The following AMOTL1 variants were observed in gnomAD, a reference collection of about 807,000 sequenced individuals.
AMOTL1 encodes angiomotin-like protein 1.
Under a neutral mutation model 102.9 loss-of-function variants are expected in AMOTL1, and 45 were observed. The ratio of observed to expected loss-of-function variants is 0.44; its 90% CI spans 0.34 to 0.56. AMOTL1 has a LOEUF of 0.56. AMOTL1 is among the 20% of genes least tolerant of loss of function. The probability of loss-of-function intolerance (pLI) is 0.01; values close to 1 mark genes in which losing one functional copy is unlikely to be tolerated. For missense variants in AMOTL1, 1,114 were observed against 1,225.6 expected (o/e 0.91, Z 1.36); for synonymous variants, 481 against 484.7 (o/e 0.99, Z 0.10).
chr11:94,764,422 A>T (rs1016034074), upstream of AMOTL1, among the ~76,000 whole-genome samples: 5 of 152,236 alleles, frequency 3.3e-5, no homozygotes, highest in African/African-American at 1.2e-4. Context: ...AAGTGCTTGA[A>T]ATTGAACTTA....
intron 3 of AMOTL1, among the ~76,000 whole-genome samples, chr11:94,807,827 C>G (rs1324996193): frequency 2.7e-5 from 4 of 147,858 alleles, no homozygotes; most frequent in African/African-American, 7.6e-5. Flanking sequence ...TTTGGGATTT[C>G]ATGCTAATGC....
At position 94,850,307 on chromosome 11, in the gene AMOTL1, C is replaced by T. The variant is rs147530514; in HGVS notation, c.1794+48C>T. The T allele has an allele frequency of 1.2e-3, 1,870 of 1,528,152 alleles. 30 individuals are homozygous for T. In the African/African-American group the frequency reaches 0.023, roughly 19 times the overall value. The allele number at this position is 1,528,152 out of a possible 1,614,324, so 94.7% of individuals were successfully genotyped here. A position where few individuals can be genotyped will look rare whatever the true frequency, so the allele number is the denominator to read the frequency against. ...TGGTGGGGAAGAGGGCAAGCAGAGC[C>T]CAGAGGGCTTCCACTTTCTTTTCCT... On this transcript the variant is annotated intron_variant, in intron 7 of 12. Coordinates refer to ENST00000433060, the MANE Select transcript of AMOTL1 (RefSeq NM_130847.3).
At chr11:94,730,760 AC>A (rs1379234582) in intron 2 of AMOTL1, among the ~76,000 whole-genome samples, 1 of 152,110 alleles carries the variant, frequency 6.6e-6, no homozygotes, top group Non-Finnish European at 1.5e-5. Flanking sequence ...GGCTGTGGGA[AC>A]CTATCTGATT....
At chr11:94,782,486 T>C (rs926050890) in intron 1 of AMOTL1, among the ~76,000 whole-genome samples, 11 of 152,334 alleles carry the variant, frequency 7.2e-5, no homozygotes, top group Non-Finnish European at 1.6e-4. Flanking sequence ...CATTGAACCA[T>C]TGTTTTCCAG....
At chr11:94,743,651 C>T (rs1433175618) in intron 3 of AMOTL1, among the ~76,000 whole-genome samples, 4 of 98,156 alleles carry the variant, frequency 4.1e-5, no homozygotes, top group African/African-American at 1.9e-4. Context: ...CACAATACTT[C>T]TTTTTTTTTT....
chr11:94,790,373 T>C (rs1332044458), intron 1 of AMOTL1, among the ~76,000 whole-genome samples: 3 of 152,134 alleles, frequency 2.0e-5, no homozygotes, highest in Non-Finnish European at 4.4e-5. Context: ...ACCACAAGTT[T>C]TGTGTGCCTC....
In AMOTL1 at chr11:94,776,316, C is replaced by T. The variant is rs148162711; in HGVS notation, c.49+7756C>T. 4.1e-3 allele frequency among the ~76,000 whole-genome samples: 631 copies of T among 152,332 alleles called. 13 individuals are homozygous for T. The highest frequency in any genetic ancestry group is 0.035 in the South Asian group (167 of 4,828). ...TCAGTCTTTAGGTCCTGCAGTTGACCTCCAAAATACTTCTTGCATACTTTC... is the reference window on the plus strand; with the variant it reads ...TCAGTCTTTAGGTCCTGCAGTTGACTTCCAAAATACTTCTTGCATACTTTC... On this transcript the variant is annotated intron_variant, in intron 1 of 12. Transcript: ENST00000433060.
chr11:94,791,657 C>T (rs990328546), intron 1 of AMOTL1, among the ~76,000 whole-genome samples: 10 of 152,252 alleles, frequency 6.6e-5, no homozygotes, highest in South Asian at 2.1e-4. Flanking sequence ...CCCCTGGTAC[C>T]GAGCCAGGCT....
At chr11:94,738,843 G>T (rs1343443191) in intron 2 of AMOTL1, among the ~76,000 whole-genome samples, 1 of 152,118 alleles carries the variant, frequency 6.6e-6, no homozygotes, top group African/African-American at 2.4e-5. Flanking sequence ...TAACAGAGGG[G>T]ATAAGCTGGA....
chr11:94,733,894 T>G (rs548241813), intron 2 of AMOTL1, among the ~76,000 whole-genome samples: 1 of 152,360 alleles, frequency 6.6e-6, no homozygotes, highest in African/African-American at 2.4e-5. Context: ...CACCTTCTAG[T>G]AGCTTCTTGG....
At chr11:94,712,647 C>A (rs1950037293) in intron 1 of AMOTL1, among the ~76,000 whole-genome samples, 1 of 151,598 alleles carries the variant, frequency 6.6e-6, no homozygotes, top group African/African-American at 2.4e-5. Flanking sequence ...ACACAAATAA[C>A]CCCACTATAT....
At chr11:94,833,130 T>C (rs2135667803) in intron 6 of AMOTL1, among the ~76,000 whole-genome samples, 1 of 152,368 alleles carries the variant, frequency 6.6e-6, no homozygotes, top group South Asian at 2.1e-4. Context: ...ACTTGTGTTC[T>C]GAAGGCAAAC....
intron 1 of AMOTL1, among the ~76,000 whole-genome samples, chr11:94,779,542 A>G (rs527570521): frequency 1.3e-5 from 2 of 152,338 alleles, no homozygotes; most frequent in Admixed American, 6.5e-5. Flanking sequence ...ATGCATTTAT[A>G]TGCTCTATAA....
At chr11:94,823,923 G>T (rs954158814) in intron 4 of AMOTL1, among the ~76,000 whole-genome samples, 1 of 151,680 alleles carries the variant, frequency 6.6e-6, no homozygotes, top group African/African-American at 2.4e-5. Context: ...GTTTCACCAT[G>T]TTGGCCAGGA....
intron 2 of AMOTL1, among the ~76,000 whole-genome samples, chr11:94,798,662 A>G (rs191096868): frequency 3.3e-5 from 5 of 152,134 alleles, no homozygotes; most frequent in Non-Finnish European, 7.4e-5. Context: ...AAGAGCACTC[A>G]GGACAGAGCT....
chr11:94,771,874 C>T (rs1255870034), intron 1 of AMOTL1, among the ~76,000 whole-genome samples: 1 of 152,124 alleles, frequency 6.6e-6, no homozygotes, highest in Non-Finnish European at 1.5e-5. Context: ...GGAAATGTAT[C>T]CCTGTTAAGA....
intron 3 of AMOTL1, among the ~76,000 whole-genome samples, chr11:94,749,346 GC>G (rs1950623877): frequency 6.6e-6 from 1 of 152,146 alleles, no homozygotes; most frequent in South Asian, 2.1e-4. Context: ...CCTTTCCTCA[GC>G]CCTTTTGGTT....
upstream of AMOTL1, among the ~76,000 whole-genome samples, chr11:94,767,074 T>C (rs2135508453): frequency 6.6e-6 from 1 of 152,216 alleles, no homozygotes; most frequent in Middle Eastern, 3.4e-3. Context: ...AGTGCCTCTC[T>C]CCGCCCTTCC....
intron 6 of AMOTL1, among the ~76,000 whole-genome samples, chr11:94,846,326 C>G (rs185267100): frequency 6.6e-6 from 1 of 152,324 alleles, no homozygotes; most frequent in Non-Finnish European, 1.5e-5. Flanking sequence ...CCTCATAGCC[C>G]TAGAATTTAT....
Sources: allele counts gnomAD v4.1 joint callset (sites outside exome capture counted in the v4.1 genomes callset), GRCh38; gene constraint gnomAD v4.1.1; transcripts MANE v1.5; gene names NCBI Gene and HGNC (gene_info 2026-07-23, HGNC 2026-07-21).